ZNF804A: variants seen among roughly 807,000 people sequenced by gnomAD.
The protein encoded by ZNF804A is zinc finger protein 804A.
Under a neutral mutation model 16.5 loss-of-function variants are expected in ZNF804A, and 2 were observed. That is an observed-to-expected ratio of 0.12 (90% confidence interval 0.05 to 0.38). ZNF804A has a LOEUF of 0.38. ZNF804A is among the 10% of genes least tolerant of loss of function. The pLI is 0.99. For synonymous variants in ZNF804A, 534 were observed against 489.6 expected, an observed-to-expected ratio of 1.09 and a Z score of -1.20; for missense variants, 1,473 against 1,390.7, an observed-to-expected ratio of 1.06 and a Z score of -0.94.
chr2:184,839,973 A>G (rs1342949376), intron 1 of ZNF804A, among the ~76,000 whole-genome samples: 2 of 152,182 alleles, frequency 1.3e-5, no homozygotes, highest in African/African-American at 4.8e-5. Context: ...TTAATATCTA[A>G]GTCTGCCTGC....
At chr2:184,890,099 T>C (rs911509871) in intron 2 of ZNF804A, among the ~76,000 whole-genome samples, 5 of 152,158 alleles carry the variant, frequency 3.3e-5, no homozygotes, top group African/African-American at 1.2e-4. Context: ...AGTCAGATCA[T>C]TAGCATGATG....
intron 1 of ZNF804A, among the ~76,000 whole-genome samples, chr2:184,815,232 C>A (rs1171748940): frequency 6.6e-6 from 1 of 151,624 alleles, no homozygotes; most frequent in African/African-American, 2.4e-5. Flanking sequence ...TTTTTCAGTA[C>A]CGATAGATGC....
At chr2:184,703,474 G>C (rs1366278617) in intron 1 of ZNF804A, among the ~76,000 whole-genome samples, 1 of 151,714 alleles carries the variant, frequency 6.6e-6, no homozygotes, top group Admixed American at 6.6e-5. Flanking sequence ...AGGCCGAGGC[G>C]GGCAGATCAT....
At chr2:184,675,095 T>C (rs1280554298) in intron 1 of ZNF804A, among the ~76,000 whole-genome samples, 2 of 151,832 alleles carry the variant, frequency 1.3e-5, no homozygotes, top group Admixed American at 6.6e-5. Context: ...TGTAAGTATG[T>C]ACTGTGCATG....
intron 1 of ZNF804A, among the ~76,000 whole-genome samples, chr2:184,747,321 C>CAAA (rs397986917): frequency 1.6e-3 from 121 of 77,898 alleles, no homozygotes; most frequent in African/African-American, 2.2e-3. Context: ...AATCTTGCTG[C>CAAA]AAAAAAAAAA....
At chr2:184,611,315 A>G (rs1691234869) in intron 1 of ZNF804A, among the ~76,000 whole-genome samples, 1 of 152,116 alleles carries the variant, frequency 6.6e-6, no homozygotes, top group South Asian at 2.1e-4. Context: ...CATTGCTCTT[A>G]GCTTACCCGT....
chr2:184,790,988 G>C (rs1311226093), intron 1 of ZNF804A, among the ~76,000 whole-genome samples: 2 of 152,046 alleles, frequency 1.3e-5, no homozygotes, highest in African/African-American at 4.8e-5. Flanking sequence ...ATATAAGAAT[G>C]GCTACTCCTG....
At chr2:184,916,825 G>A (rs1685456770) in intron 2 of ZNF804A, among the ~76,000 whole-genome samples, 1 of 152,050 alleles carries the variant, frequency 6.6e-6, no homozygotes, top group Non-Finnish European at 1.5e-5. Context: ...TCCAGCCTGG[G>A]AGACAGAGTA....
intron 1 of ZNF804A, among the ~76,000 whole-genome samples, chr2:184,684,289 G>T (rs1692593395): frequency 6.6e-6 from 1 of 152,190 alleles, no homozygotes; most frequent in Admixed American, 6.5e-5. Context: ...TTTGCTAACA[G>T]TAGGGGTACA....
intron 1 of ZNF804A, among the ~76,000 whole-genome samples, chr2:184,690,856 A>T (rs1692714485): frequency 6.6e-6 from 1 of 152,080 alleles, no homozygotes; most frequent in Admixed American, 6.6e-5. Flanking sequence ...ATAACTATAC[A>T]TGTTAGACCA....
chr2:184,881,703 G>A (rs1379516469), intron 2 of ZNF804A, among the ~76,000 whole-genome samples: 1 of 151,810 alleles, frequency 6.6e-6, no homozygotes, highest in Non-Finnish European at 1.5e-5. Context: ...AACAAAGGAG[G>A]AATAAGATAC....
chr2:184,733,470 A>G (rs1008025796), intron 1 of ZNF804A, among the ~76,000 whole-genome samples: 2 of 152,106 alleles, frequency 1.3e-5, no homozygotes, highest in African/African-American at 4.8e-5. Flanking sequence ...TGTCCATGAT[A>G]GTTCTTGGTC....
intron 2 of ZNF804A, among the ~76,000 whole-genome samples, chr2:184,928,479 G>A (rs920974945): frequency 3.3e-5 from 5 of 152,122 alleles, no homozygotes; most frequent in Admixed American, 1.3e-4. Context: ...TTAGGGGAGG[G>A]GGAGGAGTGG....
At chr2:184,622,292 C>A (rs951444682) in intron 1 of ZNF804A, among the ~76,000 whole-genome samples, 3 of 151,724 alleles carry the variant, frequency 2.0e-5, no homozygotes, top group Non-Finnish European at 4.4e-5. Context: ...ATTTCAATTC[C>A]TCTAAAGTAT....
chr2:184,826,026 C>T (rs2105793138), intron 1 of ZNF804A, among the ~76,000 whole-genome samples: 1 of 133,466 alleles, frequency 7.5e-6, no homozygotes, highest in African/African-American at 3.4e-5. Flanking sequence ...CACATGCCAC[C>T]ATGCCAGGCT....
intron 1 of ZNF804A, among the ~76,000 whole-genome samples, chr2:184,803,019 A>ATTATGGTTATGG (rs1164426607): frequency 6.6e-6 from 1 of 152,210 alleles, no homozygotes; most frequent in Non-Finnish European, 1.5e-5. Context: ...TTATAGAAAG[A>ATTATGGTTATGG]TTTATTAAAG....
intron 2 of ZNF804A, among the ~76,000 whole-genome samples, chr2:184,892,570 C>T (rs568662094): frequency 6.7e-6 from 1 of 150,196 alleles, no homozygotes; most frequent in Non-Finnish European, 1.5e-5. Context: ...CTGCAACCTC[C>T]GCCTCCAAGG....
intron 2 of ZNF804A, among the ~76,000 whole-genome samples, chr2:184,917,335 A>G (rs1347922855): frequency 6.6e-6 from 1 of 152,214 alleles, no homozygotes; most frequent in Non-Finnish European, 1.5e-5. Context: ...TCATTGGGTA[A>G]TGTTCACTTT....
intron 2 of ZNF804A, among the ~76,000 whole-genome samples, chr2:184,891,313 A>G (rs1415113400): frequency 2.0e-5 from 3 of 152,134 alleles, no homozygotes; most frequent in Non-Finnish European, 4.4e-5. Flanking sequence ...AGTCTTGTCT[A>G]TACTCTGGTT....
Sources: allele counts gnomAD v4.1 joint callset (sites outside exome capture counted in the v4.1 genomes callset), GRCh38; gene constraint gnomAD v4.1.1; transcripts MANE v1.5; gene names NCBI Gene and HGNC (gene_info 2026-07-23, HGNC 2026-07-21).